SYNDIG1: variants seen among roughly 807,000 people sequenced by gnomAD.
The protein encoded by SYNDIG1 is synapse differentiation inducing 1.
In SYNDIG1, 9 loss-of-function variants were observed where a neutral mutation model predicts 19.4. The observed-to-expected ratio is 0.46, with a 90% CI of 0.28 to 0.81. SYNDIG1 has a LOEUF of 0.81. Among genes scored for constraint, SYNDIG1 ranks in the 30% least tolerant of loss-of-function variants. The pLI, the probability that SYNDIG1 is intolerant of heterozygous loss-of-function variation, is 0.12. For synonymous variants in SYNDIG1, 141 were observed against 145.9 expected (o/e 0.97, Z 0.24); for missense variants, 311 against 343.3 (o/e 0.91, Z 0.74).
At chr20:24,535,483 G>T (rs1365066653) in intron 1 of SYNDIG1, among the ~76,000 whole-genome samples, 2 of 152,208 alleles carry the variant, frequency 1.3e-5, no homozygotes, top group Non-Finnish European at 2.9e-5. Flanking sequence ...GTCTCTAGGT[G>T]TCAACCTTAA....
At chr20:24,502,860 G>A (rs760227048) in intron 1 of SYNDIG1, among the ~76,000 whole-genome samples, 1 of 152,226 alleles carries the variant, frequency 6.6e-6, no homozygotes, top group African/African-American at 2.4e-5. Flanking sequence ...TTCATACAGT[G>A]CCTGCTGACG....
intron 3 of SYNDIG1, among the ~76,000 whole-genome samples, chr20:24,590,428 G>A (rs955532124): frequency 2.0e-5 from 3 of 152,094 alleles, no homozygotes; most frequent in African/African-American, 4.8e-5. Context: ...GGGTTTGAGC[G>A]GAGGAGAAGC....
chr20:24,614,615 A>G (rs2058900478), intron 3 of SYNDIG1, among the ~76,000 whole-genome samples: 1 of 137,114 alleles, frequency 7.3e-6, no homozygotes, highest in Non-Finnish European at 1.6e-5. Context: ...AGAAGGAAGG[A>G]AGGGAGGGAG....
chr20:24,617,965 G>A (rs2058968717), intron 3 of SYNDIG1, among the ~76,000 whole-genome samples: 1 of 144,558 alleles, frequency 6.9e-6, no homozygotes, highest in Non-Finnish European at 1.5e-5. Flanking sequence ...GGGAGACCCC[G>A]GGTGGGGGCT....
intron 1 of SYNDIG1, among the ~76,000 whole-genome samples, chr20:24,474,258 T>C (rs2055553729): frequency 6.6e-6 from 1 of 152,242 alleles, no homozygotes; most frequent in South Asian, 2.1e-4. Context: ...TATGTGATGA[T>C]TCAAGATGCA....
Position 24,589,321 on chromosome 20 carries a change from G to A in SYNDIG1, c.618+4328G>A, listed in dbSNP as rs73905123. 8.4e-3 allele frequency among the ~76,000 whole-genome samples: 1,282 copies of A among 152,256 alleles called. 19 individuals are homozygous for A. The highest frequency in any genetic ancestry group is 0.029 in the African/African-American group (1,209 of 41,538). ...TTTAATAAGTAACAGAAATCACAGA[G>A]GTAGCAAGTATGGGCACATGAGGGA... On this transcript the variant is annotated intron_variant, in intron 3 of 3. Transcript: ENST00000376862.
chr20:24,638,108 G>A (rs570237558), intron 3 of SYNDIG1, among the ~76,000 whole-genome samples: 153 of 152,258 alleles, frequency 1.0e-3, no homozygotes, highest in South Asian at 3.5e-3. Context: ...TTGCCCAAGT[G>A]AAGCGGGCAC....
chr20:24,647,455 C>T (rs181296416), intron 3 of SYNDIG1, among the ~76,000 whole-genome samples: 11 of 152,220 alleles, frequency 7.2e-5, no homozygotes, highest in Non-Finnish European at 1.3e-4. Flanking sequence ...ATTATACGAA[C>T]ATCCTCTTTG....
In SYNDIG1 at chr20:24,665,619, C is replaced by A; in HGVS notation, c.*115C>A. The stretch of plus-strand genomic sequence containing the variant: ...ATGATTGCCAAATGATGCCACGAAG[C>A]CCTGGGATTTCCTACCCATGGATTT... On this transcript the variant is annotated 3_prime_UTR_variant, in exon 4 of 4. Transcript: ENST00000376862. The A allele has an allele frequency of 1.4e-6, 2 of 1,438,316 alleles. No individual in the cohort carries two copies. The highest frequency in any genetic ancestry group is 1.9e-6 in the Non-Finnish European group (2 of 1,062,688). The allele number at this position is 1,438,316 out of a possible 1,614,324, so 89.1% of individuals were successfully genotyped here.
intron 2 of SYNDIG1, among the ~76,000 whole-genome samples, chr20:24,563,162 G>T (rs888272261): frequency 2.0e-5 from 3 of 152,126 alleles, no homozygotes; most frequent in Non-Finnish European, 2.9e-5. Context: ...AGATGTGTTC[G>T]ATGGCTTATT....
chr20:24,585,081 A>T, intron 3 of SYNDIG1, 88 bp downstream of exon 3: 5 of 1,510,362 alleles, frequency 3.3e-6, no homozygotes. Context: ...GAGGAGAAGC[A>T]AGGAAGCCCA....
chr20:24,475,072 C>G (rs2055578663), intron 1 of SYNDIG1, among the ~76,000 whole-genome samples: 1 of 152,222 alleles, frequency 6.6e-6, no homozygotes, highest in Non-Finnish European at 1.5e-5. Context: ...CAGAAACTCA[C>G]TCTTCTGTCA....
At chr20:24,534,523 C>A (rs1044339551) in intron 1 of SYNDIG1, among the ~76,000 whole-genome samples, 1 of 152,222 alleles carries the variant, frequency 6.6e-6, no homozygotes, top group Non-Finnish European at 1.5e-5. Context: ...GGAACAGTGC[C>A]CCTCGGTCTG....
chr20:24,647,763 G>A (rs1342222854), intron 3 of SYNDIG1, among the ~76,000 whole-genome samples: 4 of 150,112 alleles, frequency 2.7e-5, no homozygotes, highest in Non-Finnish European at 4.4e-5. Context: ...TTTTTTTCCA[G>A]CAACTAGATA....
intron 2 of SYNDIG1, among the ~76,000 whole-genome samples, chr20:24,556,420 G>C (rs1464794064): frequency 6.6e-6 from 1 of 152,118 alleles, no homozygotes; most frequent in East Asian, 1.9e-4. Context: ...TTACAATTTG[G>C]CATGATTTTG....
intron 2 of SYNDIG1, among the ~76,000 whole-genome samples, chr20:24,566,582 C>T (rs1379055458): frequency 6.6e-6 from 1 of 152,166 alleles, no homozygotes; most frequent in African/African-American, 2.4e-5. Flanking sequence ...GTTCTGATTA[C>T]ATTTGGCTGC....
At position 24,543,465 on chromosome 20, in the gene SYNDIG1, A is replaced by C. The variant is rs756066532; in HGVS notation, c.368A>C (p.Lys123Thr). 2 of 1,613,452 alleles carry C rather than the reference A, an allele frequency of 1.2e-6. No homozygotes were observed. Among genetic ancestry groups the C allele is most frequent in the Non-Finnish European group, 1.7e-6 (2 of 1,180,002 alleles). Residue 123 changes from lysine to threonine, a missense_variant, in exon 2 of 4, where the codon AAA becomes ACA. Lys to Thr is a moderately conservative substitution (Grantham distance 78). Transcript: ENST00000376862. Reference sequence around the variant, plus strand: ...TTCATCGAGGACCGGTCGCCCACCAAAGACAGCCTCGAGTACCCGGATGGG... The same window carrying C: ...TTCATCGAGGACCGGTCGCCCACCACAGACAGCCTCGAGTACCCGGATGGG... ...TTFIEDRSPT[K>T]DSLEYPDGKF...
intron 2 of SYNDIG1, among the ~76,000 whole-genome samples, chr20:24,560,063 CTTTTTTTTTTTTTT>C (rs60892856): frequency 9.3e-5 from 4 of 43,060 alleles, no homozygotes; most frequent in Non-Finnish European, 1.1e-4. Context: ...CTCTCCTCTC[CTTTTTTTTTTTTTT>C]TTTTTTTTTT....
intron 3 of SYNDIG1, among the ~76,000 whole-genome samples, chr20:24,613,344 C>T (rs1170181811): frequency 3.3e-5 from 5 of 152,176 alleles, no homozygotes; most frequent in Admixed American, 1.3e-4. Flanking sequence ...AAGCACCATC[C>T]GCACCTGGAC....
Sources: allele counts gnomAD v4.1 joint callset (sites outside exome capture counted in the v4.1 genomes callset), GRCh38; gene constraint gnomAD v4.1.1; transcripts MANE v1.5; gene names NCBI Gene and HGNC (gene_info 2026-07-23, HGNC 2026-07-21).